Variants in ATG10 observed in about 807,000 individuals in gnomAD.
ATG10 encodes the protein ubiquitin-like-conjugating enzyme ATG10.
A neutral mutation model predicts 32.1 loss-of-function variants in ATG10; 30 were observed. That is an observed-to-expected ratio of 0.94 (90% CI 0.70 to 1.27). The LOEUF (loss-of-function observed/expected upper bound fraction) is 1.27, where lower values mean the gene tolerates loss of function less well. Among genes scored for constraint, ATG10 ranks in the 50% most tolerant of loss-of-function variants. The probability of loss-of-function intolerance (pLI) is 0.00; values close to 1 mark genes in which losing one functional copy is unlikely to be tolerated. For missense variants in ATG10, 233 were observed against 262.3 expected, an observed-to-expected ratio of 0.89 and a Z score of 0.77; for synonymous variants, 87 against 91.5, an observed-to-expected ratio of 0.95 and a Z score of 0.28.
intron 3 of ATG10, among the ~76,000 whole-genome samples, chr5:82,093,919 T>TA (rs1219635700): frequency 1.3e-5 from 2 of 152,164 alleles, no homozygotes; most frequent in African/African-American, 4.8e-5. Flanking sequence ...CCCCATGACT[T>TA]ACGACTGGTG....
intron 5 of ATG10, among the ~76,000 whole-genome samples, chr5:82,245,495 A>G (rs1746990242): frequency 6.6e-6 from 1 of 152,212 alleles, no homozygotes; most frequent in Non-Finnish European, 1.5e-5. Flanking sequence ...TCAGGTTACT[A>G]TGCTAACTTT....
rs368814226 is a variant in ATG10, at chr5:82,079,529, C to T, written c.216+20927C>T. ...TATCCCTCCCCAATCCCCCACCCCA[C>T]GACAGGCCCCAGTGTGTGATGTTCC... On this transcript the variant is annotated intron_variant, in intron 3 of 7. Coordinates refer to ENST00000282185, the MANE Select transcript of ATG10 (RefSeq NM_031482.5). Among the ~76,000 whole-genome samples, 19 of 152,076 alleles carry T rather than the reference C, an allele frequency of 1.2e-4. No homozygotes were observed. The East Asian group carries it at 2.7e-3, about 22-fold the overall frequency.
intron 5 of ATG10, among the ~76,000 whole-genome samples, chr5:82,195,237 T>C (rs917208777): frequency 2.0e-5 from 3 of 152,200 alleles, no homozygotes; most frequent in African/African-American, 7.2e-5. Flanking sequence ...CTCCTGTCTT[T>C]TTCTGGCTTG....
chr5:82,052,091 A>G (rs1763448569), intron 2 of ATG10, among the ~76,000 whole-genome samples: 3 of 152,078 alleles, frequency 2.0e-5, no homozygotes, highest in South Asian at 4.2e-4. Context: ...TTCCTCCTTT[A>G]TGGACTTGTC....
intron 3 of ATG10, among the ~76,000 whole-genome samples, chr5:82,081,393 G>A (rs1007396302): frequency 4.6e-5 from 7 of 152,078 alleles, no homozygotes; most frequent in African/African-American, 7.2e-5. Context: ...TTCCAACACT[G>A]TGTTGAATAG....
At chr5:82,058,637 T>A in intron 3 of ATG10, 35 bp downstream of exon 3, 1 of 1,400,850 alleles carries the variant, frequency 7.1e-7, no homozygotes, top group Non-Finnish European at 1.0e-6. Context: ...CTTTTCAGTC[T>A]CCGTAAAGTA....
intron 3 of ATG10, among the ~76,000 whole-genome samples, chr5:82,086,269 A>G (rs1484009061): frequency 6.6e-6 from 1 of 152,236 alleles, no homozygotes; most frequent in East Asian, 1.9e-4. Flanking sequence ...GATTCTACAA[A>G]GAGAAAATGT....
chr5:82,229,048 T>TA (rs1259112850), intron 5 of ATG10, among the ~76,000 whole-genome samples: 1 of 152,200 alleles, frequency 6.6e-6, no homozygotes, highest in Non-Finnish European at 1.5e-5. Context: ...GGTCAGTGTA[T>TA]AAAAAACACA....
At chr5:82,222,450 A>G (rs920733959) in intron 5 of ATG10, among the ~76,000 whole-genome samples, 4 of 152,252 alleles carry the variant, frequency 2.6e-5, no homozygotes, top group East Asian at 1.9e-4. Context: ...ATCCTAGCAC[A>G]TAGTATGCAA....
At chr5:82,200,977 C>T (rs184036176) in intron 5 of ATG10, among the ~76,000 whole-genome samples, 74 of 151,856 alleles carry the variant, frequency 4.9e-4, no homozygotes, top group Admixed American at 1.4e-3. Context: ...CTCTGCTCCC[C>T]GGGCTCAAGC....
At chr5:82,150,532 A>G (rs1767551200) in intron 3 of ATG10, among the ~76,000 whole-genome samples, 1 of 152,226 alleles carries the variant, frequency 6.6e-6, no homozygotes, top group Non-Finnish European at 1.5e-5. Flanking sequence ...TTGCAAATAG[A>G]AAAAGTAGTC....
At chr5:82,138,507 G>T (rs887300124) in intron 3 of ATG10, among the ~76,000 whole-genome samples, 2 of 152,010 alleles carry the variant, frequency 1.3e-5, no homozygotes, top group African/African-American at 2.4e-5. Context: ...TGTGCTTCCC[G>T]GGTCAGGTGA....
chr5:82,185,373 A>T (rs1295507295), intron 5 of ATG10, among the ~76,000 whole-genome samples: 1 of 152,190 alleles, frequency 6.6e-6, no homozygotes, highest in Admixed American at 6.5e-5. Context: ...TGGAGGGATA[A>T]AAGTGGGAAG....
intron 3 of ATG10, among the ~76,000 whole-genome samples, chr5:82,129,391 A>T (rs1766420585): frequency 6.6e-6 from 1 of 151,776 alleles, no homozygotes; most frequent in Non-Finnish European, 1.5e-5. Context: ...CTTGCTGGTG[A>T]GGAGTTGTGA....
At chr5:82,156,163 G>A (rs1468582628) in intron 3 of ATG10, among the ~76,000 whole-genome samples, 1 of 151,800 alleles carries the variant, frequency 6.6e-6, no homozygotes, top group Non-Finnish European at 1.5e-5. Flanking sequence ...ATGAAGTAAC[G>A]GTGGTTCTCA....
chr5:82,150,693 G>A (rs1767562644), intron 3 of ATG10, among the ~76,000 whole-genome samples: 2 of 152,116 alleles, frequency 1.3e-5, no homozygotes, highest in African/African-American at 2.4e-5. Flanking sequence ...TCGTCCACAG[G>A]GCTGGCCTTT....
chr5:82,024,740 C>A (rs934790236), intron 2 of ATG10, among the ~76,000 whole-genome samples: 3 of 152,166 alleles, frequency 2.0e-5, no homozygotes, highest in African/African-American at 4.8e-5. Flanking sequence ...AGCCTGATGA[C>A]CCTGAATGGT....
chr5:82,080,379 T>C (rs530880480), intron 3 of ATG10, among the ~76,000 whole-genome samples: 24 of 152,388 alleles, frequency 1.6e-4, no homozygotes, highest in African/African-American at 5.3e-4. Context: ...AGATCCCATT[T>C]GTCTATTTTG....
At chr5:82,015,946 T>G (rs751681575) in intron 2 of ATG10, among the ~76,000 whole-genome samples, 6 of 152,226 alleles carry the variant, frequency 3.9e-5, no homozygotes, top group Non-Finnish European at 5.9e-5. Context: ...TTTCCCCATC[T>G]TCATGGTTTT....
Sources: allele counts gnomAD v4.1 joint callset (sites outside exome capture counted in the v4.1 genomes callset), GRCh38; gene constraint gnomAD v4.1.1; transcripts MANE v1.5; gene names NCBI Gene and HGNC (gene_info 2026-07-23, HGNC 2026-07-21).